Variants in ASB3 observed in about 807,000 individuals in gnomAD.
ASB3 encodes the protein ankyrin repeat and SOCS box containing 3.
ASB3 carries 41 observed loss-of-function variants against 54.5 expected under a neutral mutation model. That is an observed-to-expected ratio of 0.75 (90% CI 0.59 to 0.98). The LOEUF is 0.98. Among genes scored for constraint, ASB3 ranks in the 50% least tolerant of loss-of-function variants. The pLI, the probability that ASB3 is intolerant of heterozygous loss-of-function variation, is 0.00. For missense variants in ASB3, 733 were observed against 620.0 expected (o/e 1.18, Z -1.94); for synonymous variants, 266 against 221.2 (o/e 1.20, Z -1.80).
At chr2:53,746,432 C>T (rs2103987867) in intron 3 of ASB3, among the ~76,000 whole-genome samples, 1 of 151,916 alleles carries the variant, frequency 6.6e-6, no homozygotes, top group Non-Finnish European at 1.5e-5. Context: ...CCATACACAA[C>T]ACTGATGTAT....
At chr2:53,714,059 A>C (rs1442974720) in intron 7 of ASB3, among the ~76,000 whole-genome samples, 1 of 152,224 alleles carries the variant, frequency 6.6e-6, no homozygotes, top group African/African-American at 2.4e-5. Flanking sequence ...TACTTGATAA[A>C]GCCCCATTTT....
chr2:53,749,894 A>G (rs1255242352), intron 3 of ASB3, among the ~76,000 whole-genome samples: 1 of 152,086 alleles, frequency 6.6e-6, no homozygotes, highest in Non-Finnish European at 1.5e-5. Flanking sequence ...CAAAACTCAC[A>G]GAACTGTTAT....
At chr2:53,708,458 G>C (rs755184346) in intron 7 of ASB3, among the ~76,000 whole-genome samples, 3 of 152,144 alleles carry the variant, frequency 2.0e-5, no homozygotes, top group African/African-American at 7.2e-5. Flanking sequence ...ATGCAAGAAC[G>C]AACTAATACA....
intron 7 of ASB3, among the ~76,000 whole-genome samples, chr2:53,703,325 G>C (rs1669593973): frequency 6.6e-6 from 1 of 152,250 alleles, no homozygotes; most frequent in Admixed American, 6.5e-5. Flanking sequence ...CTATACAGTA[G>C]TGGAGGAGAC....
At chr2:53,670,781 G>C in intron 9 of ASB3, 91 bp from the exon 10 acceptor site, 1 of 1,375,530 alleles carries the variant, frequency 7.3e-7, no homozygotes, top group Non-Finnish European at 9.8e-7. Context: ...CCAACTCTTA[G>C]TAATAAAAGT....
intron 9 of ASB3, among the ~76,000 whole-genome samples, chr2:53,690,014 C>G (rs1668824942): frequency 6.6e-6 from 1 of 152,044 alleles, no homozygotes; most frequent in Admixed American, 6.6e-5. Context: ...GGAAGGATCA[C>G]TTGAGCCCAG....
At chr2:53,724,092 A>G (rs1208336615) in intron 5 of ASB3, among the ~76,000 whole-genome samples, 1 of 152,174 alleles carries the variant, frequency 6.6e-6, no homozygotes, top group African/African-American at 2.4e-5. Flanking sequence ...GGTAAGTGGG[A>G]CCTAATTAAT....
At chr2:53,694,253 C>T (rs1470500293) in intron 8 of ASB3, 1 of 383,422 alleles carries the variant, frequency 2.6e-6, no homozygotes, top group African/African-American at 2.1e-5. Context: ...ACAAGAGGAA[C>T]CTCAGAGAGA....
chr2:53,716,462 A>G, intron 6 of ASB3, 104 bp downstream of exon 6: 2 of 1,395,442 alleles, frequency 1.4e-6, no homozygotes, highest in Non-Finnish European at 9.7e-7. Flanking sequence ...GGTAGGGAAG[A>G]GAATATCAAA....
chr2:53,733,848 A>T (rs1671464475), intron 3 of ASB3, among the ~76,000 whole-genome samples: 1 of 152,194 alleles, frequency 6.6e-6, no homozygotes. Context: ...CCTTGAACAG[A>T]GATTTACCCA....
At position 53,765,369 on chromosome 2, in the gene ASB3, T is replaced by C. The variant is rs1673382725; in HGVS notation, c.196+8A>G. ...AGGCAAAGCCTCCATACCTTGAATT[T>C]ACTTTACCTGCATTAATTAACATTT... On this transcript the variant is annotated splice_region_variant and intron_variant, in intron 2 of 9. Transcript: ENST00000263634. The C allele has an allele frequency of 6.2e-7, 1 of 1,614,178 alleles. No homozygotes were observed. The highest frequency in any genetic ancestry group is 1.1e-5 in the South Asian group (1 of 91,082).
At chr2:53,721,806 ACCCC>A (rs1248151325) in intron 5 of ASB3, among the ~76,000 whole-genome samples, 2 of 152,034 alleles carry the variant, frequency 1.3e-5, no homozygotes, top group Non-Finnish European at 2.9e-5. Flanking sequence ...GAACAAACTA[ACCCC>A]AAAGCTATTA....
chr2:53,707,443 G>A (rs1251641851), intron 7 of ASB3, among the ~76,000 whole-genome samples: 1 of 152,002 alleles, frequency 6.6e-6, no homozygotes, highest in South Asian at 2.1e-4. Flanking sequence ...AGGAGTTGGA[G>A]ACCATCCTAG....
chr2:53,757,131 G>C (rs1343818336), intron 2 of ASB3, among the ~76,000 whole-genome samples: 9 of 152,218 alleles, frequency 5.9e-5, no homozygotes, highest in Non-Finnish European at 1.3e-4. Context: ...CAAAAGCGGT[G>C]AGTAATATTG....
At chr2:53,714,296 A>C in intron 7 of ASB3, 88 bp downstream of exon 7, 1 of 1,486,488 alleles carries the variant, frequency 6.7e-7, no homozygotes, top group Non-Finnish European at 9.0e-7. Flanking sequence ...CAGAGATACT[A>C]AGTTTCATCG....
intron 9 of ASB3, among the ~76,000 whole-genome samples, chr2:53,678,880 G>T (rs1668222349): frequency 6.6e-6 from 1 of 152,164 alleles, no homozygotes; most frequent in Admixed American, 6.5e-5. Context: ...GGGGGGCAAT[G>T]TTAGCATTCT....
At chr2:53,751,143 T>C (rs540018410) in intron 2 of ASB3, among the ~76,000 whole-genome samples, 2 of 152,290 alleles carry the variant, frequency 1.3e-5, no homozygotes, top group Admixed American at 1.3e-4. Flanking sequence ...GTATTCTTAA[T>C]ACACAAATCC....
chr2:53,681,383 C>T (rs1253262403), intron 9 of ASB3, among the ~76,000 whole-genome samples: 1 of 152,128 alleles, frequency 6.6e-6, no homozygotes, highest in Non-Finnish European at 1.5e-5. Flanking sequence ...TGATGTGATC[C>T]CCTATGTCCA....
intron 8 of ASB3, among the ~76,000 whole-genome samples, chr2:53,699,663 GCTA>G (rs1200919123): frequency 1.3e-5 from 2 of 151,898 alleles, no homozygotes; most frequent in Admixed American, 6.6e-5. Context: ...GAGTCCTCTC[GCTA>G]CTACAATTAC....
Sources: allele counts gnomAD v4.1 joint callset (sites outside exome capture counted in the v4.1 genomes callset), GRCh38; gene constraint gnomAD v4.1.1; transcripts MANE v1.5; gene names NCBI Gene and HGNC (gene_info 2026-07-23, HGNC 2026-07-21).